The following MAF variants were observed in gnomAD, a reference collection of about 807,000 sequenced individuals.
The protein encoded by MAF is transcription factor Maf.
MAF carries 10 observed loss-of-function variants against 22.0 expected under a neutral mutation model. The ratio of observed to expected loss-of-function variants is 0.45; its 90% confidence interval spans 0.28 to 0.77. The LOEUF is 0.77. MAF is among the 30% of genes least tolerant of loss of function. The pLI is 0.12. For missense variants in MAF, 544 were observed against 548.4 expected, an observed-to-expected ratio of 0.99 and a Z score of 0.08; for synonymous variants, 337 against 255.8, an observed-to-expected ratio of 1.32 and a Z score of -3.03.
chr16:79,537,431 G>A, the MAF span, among the ~76,000 whole-genome samples: 1 of 148,604 alleles, frequency 6.7e-6, no homozygotes, highest in African/African-American at 2.5e-5. Context: ...AGGCACTATT[G>A]CAATGCCCAT....
At chr16:79,400,338 G>T in the MAF span, among the ~76,000 whole-genome samples, 1 of 152,152 alleles carries the variant, frequency 6.6e-6, no homozygotes, top group Non-Finnish European at 1.5e-5. Flanking sequence ...TGTGCCAGTT[G>T]GGTGGCCTTG....
chr16:79,426,151 A>G, the MAF span, among the ~76,000 whole-genome samples: 2 of 151,916 alleles, frequency 1.3e-5, no homozygotes, highest in Admixed American at 1.3e-4. Context: ...GGTTATAGGG[A>G]GCCGAGATCG....
At chr16:79,260,307 C>T in the MAF span, among the ~76,000 whole-genome samples, 2 of 152,106 alleles carry the variant, frequency 1.3e-5, no homozygotes, top group South Asian at 2.1e-4. Context: ...TGCACCACCA[C>T]ACCTGGCTAA....
At chr16:79,565,760 T>A in the MAF span, among the ~76,000 whole-genome samples, 1 of 152,238 alleles carries the variant, frequency 6.6e-6, no homozygotes, top group African/African-American at 2.4e-5. Flanking sequence ...GTCCCAGGTA[T>A]GTGTTTATTA....
chr16:79,251,683 C>A, the MAF span, among the ~76,000 whole-genome samples: 2 of 152,158 alleles, frequency 1.3e-5, no homozygotes, highest in African/African-American at 2.4e-5. Flanking sequence ...GTCAATAAGT[C>A]ATATCAGGCT....
the MAF span, among the ~76,000 whole-genome samples, chr16:79,543,869 G>A: frequency 6.6e-6 from 1 of 151,820 alleles, no homozygotes; most frequent in Non-Finnish European, 1.5e-5. Flanking sequence ...TATATTTTTA[G>A]CAGAGACGGG....
the MAF span, among the ~76,000 whole-genome samples, chr16:79,439,285 G>A: frequency 7.2e-6 from 1 of 138,334 alleles, no homozygotes; most frequent in African/African-American, 2.8e-5. Flanking sequence ...TTTTTGAGAC[G>A]GAGTCTTGCT....
the MAF span, among the ~76,000 whole-genome samples, chr16:79,322,308 G>T: frequency 1.3e-5 from 2 of 152,070 alleles, no homozygotes; most frequent in African/African-American, 4.8e-5. Flanking sequence ...GAAGAGTATC[G>T]GCACTCAGGG....
the MAF span, among the ~76,000 whole-genome samples, chr16:79,243,484 T>C: frequency 6.6e-6 from 1 of 152,076 alleles, no homozygotes; most frequent in Non-Finnish European, 1.5e-5. Flanking sequence ...GATAGATTCC[T>C]GGACACATAC....
the MAF span, among the ~76,000 whole-genome samples, chr16:79,501,969 G>A: frequency 2.0e-5 from 3 of 152,188 alleles, no homozygotes; most frequent in Admixed American, 2.0e-4. Flanking sequence ...AGAAGTGGCT[G>A]TGAGGTATTA....
chr16:79,407,000 C>T, the MAF span, among the ~76,000 whole-genome samples: 3 of 152,132 alleles, frequency 2.0e-5, no homozygotes, highest in Admixed American at 6.6e-5. Context: ...AGGCTGCCGG[C>T]GCGTCACACC....
At chr16:79,475,975 T>C in the MAF span, among the ~76,000 whole-genome samples, 1 of 152,210 alleles carries the variant, frequency 6.6e-6, no homozygotes, top group Non-Finnish European at 1.5e-5. Context: ...AGGGATATTT[T>C]TCAAATGTAA....
At chr16:79,275,884 G>C in the MAF span, among the ~76,000 whole-genome samples, 1 of 152,320 alleles carries the variant, frequency 6.6e-6, no homozygotes, top group East Asian at 1.9e-4. Context: ...GCTCATGCCT[G>C]TAATCCCAGC....
the MAF span, among the ~76,000 whole-genome samples, chr16:79,284,530 G>C: frequency 3.3e-5 from 5 of 152,192 alleles, no homozygotes; most frequent in Non-Finnish European, 7.3e-5. Context: ...AGAGAGCAGA[G>C]ATATTTCTAG....
chr16:79,230,880 C>T, the MAF span, among the ~76,000 whole-genome samples: 1 of 151,984 alleles, frequency 6.6e-6, no homozygotes, highest in African/African-American at 2.4e-5. Flanking sequence ...CTCTGCTTCC[C>T]GCTCAGTAAT....
the MAF span, among the ~76,000 whole-genome samples, chr16:79,277,772 G>T: frequency 6.6e-6 from 1 of 152,256 alleles, no homozygotes; most frequent in African/African-American, 2.4e-5. Flanking sequence ...CTGTAATAAC[G>T]CCTGTGTGTA....
chr16:79,225,472 A>C, the MAF span, among the ~76,000 whole-genome samples: 1 of 152,232 alleles, frequency 6.6e-6, no homozygotes, highest in Admixed American at 6.5e-5. Context: ...ATGGGCAAAG[A>C]CTTCATGACT....
At chr16:79,563,407 T>C in the MAF span, among the ~76,000 whole-genome samples, 145 of 152,210 alleles carry the variant, frequency 9.5e-4, no homozygotes, top group African/African-American at 3.3e-3. Flanking sequence ...TTCTGTTAAG[T>C]ACATCTTTAT....
At chr16:79,296,421 G>A in the MAF span, among the ~76,000 whole-genome samples, 1 of 152,148 alleles carries the variant, frequency 6.6e-6, no homozygotes, top group Admixed American at 6.5e-5. Context: ...CATGCGGGGT[G>A]TAGTGCCTAG....
Sources: allele counts gnomAD v4.1 joint callset (sites outside exome capture counted in the v4.1 genomes callset), GRCh38; gene constraint gnomAD v4.1.1; transcripts MANE v1.5; gene names NCBI Gene and HGNC (gene_info 2026-07-23, HGNC 2026-07-21).